AGAP3: variants seen among roughly 807,000 people sequenced by gnomAD.
The protein encoded by AGAP3 is arf-GAP with GTPase, ANK repeat and PH domain-containing protein 3.
In AGAP3, 24 loss-of-function variants were observed where a neutral mutation model predicts 96.9. That is an observed-to-expected ratio of 0.25 (90% CI 0.18 to 0.35). The LOEUF is 0.35. Among genes scored for constraint, AGAP3 ranks in the 10% least tolerant of loss-of-function variants. The pLI is 1.00. For missense variants in AGAP3, 876 were observed against 1,254.2 expected (o/e 0.70, Z 4.55); for synonymous variants, 563 against 536.1 (o/e 1.05, Z -0.69).
chr7:151,136,954 A>T (rs1311790071), intron 11 of AGAP3, among the ~76,000 whole-genome samples: 1 of 152,160 alleles, frequency 6.6e-6, no homozygotes, highest in Non-Finnish European at 1.5e-5. Flanking sequence ...GGGCCTGGAG[A>T]TGGAGACCGG....
At position 151,120,446 on chromosome 7, in the gene AGAP3, T is replaced by C. The variant is rs1799825447; in HGVS notation, c.1128+301T>C. On this transcript the variant is annotated intron_variant, in intron 8 of 17. Transcript: ENST00000397238. ...CGCCTTCCTCTCTCCTAGGCCCCTT[T>C]AGGGTGTCTGTGAGCTTGAAAGTAT... 3 of 663,022 alleles carry C rather than the reference T, an allele frequency of 4.5e-6. No individual in the cohort carries two copies. The Admixed American group carries it at 6.3e-5, about 14-fold the overall frequency. 41.1% of individuals were successfully genotyped at this position (663,022 alleles called of 1,614,324 possible).
rs560327147 is a variant in AGAP3, at chr7:151,126,381, G to A, written c.1222-2199G>A. Among the ~76,000 whole-genome samples the A allele has an allele frequency of 1.6e-3, 241 of 152,028 alleles. 1 individual carries two copies. The highest frequency in any genetic ancestry group is 5.5e-3 in the African/African-American group (229 of 41,482). ...GGAGCAGAGCAGAGCGGAGCGGGGC[G>A]GGGCGGGGCCGGCCGTGGAGTCTCC... On this transcript the variant is annotated intron_variant, in intron 9 of 17. Coordinates refer to ENST00000397238, the MANE Select transcript of AGAP3 (RefSeq NM_031946.7).
At chr7:151,090,835 T>G (rs562570457) in intron 1 of AGAP3, among the ~76,000 whole-genome samples, 1 of 152,142 alleles carries the variant, frequency 6.6e-6, no homozygotes, top group South Asian at 2.1e-4. Flanking sequence ...TCCCAGCTAC[T>G]CGGGAGGCTG....
At chr7:151,123,696 C>T (rs972150750) in intron 8 of AGAP3, 98 bp from the exon 9 acceptor site, 5 of 1,583,298 alleles carry the variant, frequency 3.2e-6, no homozygotes, top group Non-Finnish European at 3.4e-6. Context: ...CTAGGGCTGC[C>T]CAGGAGGAGG....
chr7:151,115,472 G>A (rs1246537345), intron 1 of AGAP3: 1 of 1,016,146 alleles, frequency 9.8e-7, no homozygotes, highest in Non-Finnish European at 1.2e-6. Flanking sequence ...GCCGCGACCT[G>A]CTGGGCTCCG....
chr7:151,109,712 C>T (rs1472671221), intron 1 of AGAP3, among the ~76,000 whole-genome samples: 1 of 152,168 alleles, frequency 6.6e-6, no homozygotes, highest in South Asian at 2.1e-4. Context: ...TCTGAGGTCT[C>T]TTAGAGGGGA....
chr7:151,122,803 C>G, intron 8 of AGAP3: 1 of 1,613,790 alleles, frequency 6.2e-7, no homozygotes, highest in Non-Finnish European at 8.5e-7. Flanking sequence ...CAGTTGGTGA[C>G]ACACAGCACC....
At position 151,128,567 on chromosome 7, in the gene AGAP3, CCT is replaced by C. The variant is rs1229579576; in HGVS notation, c.1222-10_1222-9del. The C allele has an allele frequency of 6.2e-7, 1 of 1,612,588 alleles. No homozygotes were observed. Among genetic ancestry groups the C allele is most frequent in the East Asian group, 2.2e-5 (1 of 44,870 alleles). ...GGCTGGCTCCTGGTTTCTGATCAGA[CCT>C]CTGTTCTCAGGGGATCCTGCTAAAG... On this transcript the variant is annotated splice_polypyrimidine_tract_variant and intron_variant, in intron 9 of 17. Transcript: ENST00000397238.
Position 151,139,833 on chromosome 7 carries a change from G to A in AGAP3, c.1667-146G>A, listed in dbSNP as rs138124059. 2.3e-3 allele frequency: 1,632 copies of A among 716,304 alleles called. 21 individuals carry two copies. In the African/African-American group the frequency reaches 0.028, roughly 12 times the overall value. The allele number at this position is 716,304 out of a possible 1,614,324, so 44.4% of individuals were successfully genotyped here. On this transcript the variant is annotated intron_variant, in intron 12 of 17. Coordinates refer to ENST00000397238, the MANE Select transcript of AGAP3 (RefSeq NM_031946.7). This position sits in a 1 kb window ranked among gnomAD's most constrained non-coding sequence, Gnocchi z 4.9. ...GGACTGGGAAGCCCAGGCAGACCTCGCCTAGAGAGAGGTGTCCGTCTGGCT... is the reference window on the plus strand; with the variant it reads ...GGACTGGGAAGCCCAGGCAGACCTCACCTAGAGAGAGGTGTCCGTCTGGCT...
At chr7:151,103,531 G>A (rs1798915988) in intron 1 of AGAP3, among the ~76,000 whole-genome samples, 1 of 151,846 alleles carries the variant, frequency 6.6e-6, no homozygotes, top group Admixed American at 6.6e-5. Flanking sequence ...CTGGCTCTCT[G>A]TCACTGCCTC....
At chr7:151,115,149 A>G (rs1468540671) in intron 1 of AGAP3, 5 of 1,044,654 alleles carry the variant, frequency 4.8e-6, no homozygotes, top group Non-Finnish European at 4.6e-6. Context: ...GCCGGCCAGC[A>G]TGACTTTCCT....
At chr7:151,132,246 C>T (rs1018268413) in intron 10 of AGAP3, among the ~76,000 whole-genome samples, 15 of 152,202 alleles carry the variant, frequency 9.9e-5, no homozygotes, top group African/African-American at 3.1e-4. Flanking sequence ...AGTCCTTCTC[C>T]GCCAAGTGTG....
rs759875096 is a variant in AGAP3 at position 151,142,084 on chromosome 7, C to T, written c.1959+32C>T. The T allele has an allele frequency of 1.2e-6, 2 of 1,607,710 alleles. No homozygotes were observed. Among genetic ancestry groups the T allele is most frequent in the South Asian group, 1.1e-5 (1 of 90,496 alleles). On this transcript the variant is annotated intron_variant, in intron 14 of 17. Transcript: ENST00000397238. This position sits in a 1 kb window ranked among gnomAD's most constrained non-coding sequence, Gnocchi z 7.5. ...ACAGAGTGACTGGGCCCACACAGAGCACCTGGCTGGGGTGGGACTGAAAGG... is the reference window on the plus strand; with the variant it reads ...ACAGAGTGACTGGGCCCACACAGAGTACCTGGCTGGGGTGGGACTGAAAGG...
chr7:151,113,921 T>C (rs1230986766), intron 1 of AGAP3, among the ~76,000 whole-genome samples: 1 of 152,148 alleles, frequency 6.6e-6, no homozygotes, highest in African/African-American at 2.4e-5. Flanking sequence ...TACCGCAGGC[T>C]ACCACTTGAT....
chr7:151,086,419 C>T (rs1585023115), upstream of AGAP3, among the ~76,000 whole-genome samples: 1 of 83,424 alleles, frequency 1.2e-5, no homozygotes, highest in South Asian at 4.2e-4. Context: ...GCGGGGGCGG[C>T]GGTGCGTGCG....
At position 151,114,916 on chromosome 7, in the gene AGAP3, C is replaced by G; in HGVS notation, c.332-1877C>G. ...GCCGCCCTGCAGGCCGCCCTCTGCG[C>G]CGCCAGTGAGCAGCCGGCGCGGCCG... On this transcript the variant is annotated intron_variant, in intron 1 of 17. Transcript: ENST00000397238. The surrounding 1 kb of genome is among the most constrained non-coding windows in gnomAD (Gnocchi z 4.4). 1.0e-6 allele frequency: 1 copy of G among 991,114 alleles called. No individual in the cohort carries two copies. Among genetic ancestry groups the G allele is most frequent in the Non-Finnish European group, 1.2e-6 (1 of 836,166 alleles). 61.4% of individuals were successfully genotyped at this position (991,114 alleles called of 1,614,324 possible).
At chr7:151,135,634 C>G (rs890557391) in intron 11 of AGAP3, among the ~76,000 whole-genome samples, 2 of 152,162 alleles carry the variant, frequency 1.3e-5, no homozygotes, top group Non-Finnish European at 2.9e-5. Context: ...GCACCTGAAC[C>G]AGGTGTGCTG....
Position 151,142,732 on chromosome 7 carries a change from GTT to G in AGAP3, c.2273+99_2273+100del, listed in dbSNP as rs1427497399. 1 of 1,298,800 alleles carries G rather than the reference GTT, an allele frequency of 7.7e-7. No individual in the cohort carries two copies. The highest frequency in any genetic ancestry group is 1.1e-6 in the Non-Finnish European group (1 of 941,870). 80.5% of individuals were successfully genotyped at this position (1,298,800 alleles called of 1,614,324 possible). A position where few individuals can be genotyped will look rare whatever the true frequency, so the allele number is the denominator to read the frequency against. On this transcript the variant is annotated intron_variant, in intron 16 of 17. Coordinates refer to ENST00000397238, the MANE Select transcript of AGAP3 (RefSeq NM_031946.7). The surrounding 1 kb of genome is among the most constrained non-coding windows in gnomAD (Gnocchi z 7.5). ...GAGTGGCTGTGATGGTATTAGAAGG[GTT>G]AAAACTGTCTGTTGCTCTGCTTGGC...
chr7:151,128,232 A>G (rs1584769467), intron 9 of AGAP3: 2 of 261,804 alleles, frequency 7.6e-6, no homozygotes, highest in South Asian at 5.8e-5. Flanking sequence ...CTGGCCGTCT[A>G]TACCCCTGAC....
Sources: gnomAD v4.1 joint callset for allele counts (sites outside exome capture counted in the v4.1 genomes callset) on GRCh38, gnomAD v4.1.1 for gene constraint, Gnocchi (gnomAD v3.1) non-coding constraint, MANE v1.5 for transcripts, NCBI Gene and HGNC (gene_info 2026-07-23, HGNC 2026-07-21) for gene names.